OSBPL6: variants seen among roughly 807,000 people sequenced by gnomAD.
The protein encoded by OSBPL6 is oxysterol binding protein like 6, also known as oxysterol-binding protein-related protein 6.
OSBPL6 carries 49 observed loss-of-function variants against 125.8 expected under a neutral mutation model. That is an observed-to-expected ratio of 0.39 (90% CI 0.31 to 0.49). The LOEUF is 0.49. OSBPL6 is among the 20% of genes least tolerant of loss of function. The pLI, the probability that OSBPL6 is intolerant of heterozygous loss-of-function variation, is 0.88. For synonymous variants in OSBPL6, 394 were observed against 391.8 expected, an observed-to-expected ratio of 1.01 and a Z score of -0.07; for missense variants, 986 against 1,135.4, an observed-to-expected ratio of 0.87 and a Z score of 1.89.
At chr2:178,332,069 G>A (rs1177953192) in intron 6 of OSBPL6, among the ~76,000 whole-genome samples, 4 of 152,186 alleles carry the variant, frequency 2.6e-5, no homozygotes, top group Non-Finnish European at 5.9e-5. Flanking sequence ...GGAGTAGTTT[G>A]CATGTAACAC....
At position 178,382,513 on chromosome 2, in the gene OSBPL6, C is replaced by A. The variant is rs1466771768; in HGVS notation, c.1621+6C>A. On this transcript the variant is annotated splice_donor_region_variant and intron_variant, in intron 16 of 24. Coordinates refer to ENST00000190611, the MANE Select transcript of OSBPL6 (RefSeq NM_032523.4). ...AGACAATATTTCTCGGCAAAGTATG[C>A]ATCATTTGAGCTTCCAGGTTGTTCT... The A allele has an allele frequency of 6.2e-7, 1 of 1,614,044 alleles. No individual in the cohort carries two copies. Among genetic ancestry groups the A allele is most frequent in the Non-Finnish European group, 8.5e-7 (1 of 1,179,988 alleles).
chr2:178,395,830 A>T lies in OSBPL6; in HGVS notation c.*271A>T, dbSNP rs1251803347. On this transcript the variant is annotated 3_prime_UTR_variant, in exon 25 of 25. Transcript: ENST00000190611. The stretch of plus-strand genomic sequence containing the variant: ...CACCGTCCTTGGAAAGCAGAATAAA[A>T]GGAGCAGAATATAAAATCCAAAGTC... The T allele has an allele frequency of 2.2e-6, 1 of 460,740 alleles. No individual in the cohort carries two copies. Among genetic ancestry groups the T allele is most frequent in the Admixed American group, 3.0e-5 (1 of 33,346 alleles). The allele number at this position is 460,740 out of a possible 1,614,324, so 28.5% of individuals were successfully genotyped here. A position where few individuals can be genotyped will look rare whatever the true frequency, so the allele number is the denominator to read the frequency against.
At chr2:178,367,574 G>A (rs1692956751) in intron 13 of OSBPL6, among the ~76,000 whole-genome samples, 1 of 152,162 alleles carries the variant, frequency 6.6e-6, no homozygotes, top group Non-Finnish European at 1.5e-5. Context: ...TCTTCACCTA[G>A]GAATTACCTG....
chr2:178,333,246 G>A (rs1689387344), intron 8 of OSBPL6, among the ~76,000 whole-genome samples: 1 of 152,120 alleles, frequency 6.6e-6, no homozygotes, highest in Non-Finnish European at 1.5e-5. Flanking sequence ...TTTGTCAAAT[G>A]TGATGCTGCA....
At chr2:178,241,719 G>A (rs1472920729) in intron 1 of OSBPL6, among the ~76,000 whole-genome samples, 1 of 152,124 alleles carries the variant, frequency 6.6e-6, no homozygotes, top group Non-Finnish European at 1.5e-5. Context: ...CCTGGCCTGA[G>A]GCTTTTTAAA....
chr2:178,370,118 A>T lies in OSBPL6; in HGVS notation c.1288-2008A>T, dbSNP rs542093712. On this transcript the variant is annotated intron_variant, in intron 13 of 24. Transcript: ENST00000190611. ...CATCTCTACTAAAAATACAAAAATT[A>T]GCCAGATGTGGTGGTGCATACCTGT... 2.0e-5 allele frequency among the ~76,000 whole-genome samples: 3 copies of T among 152,286 alleles called. No homozygotes were observed. In the South Asian group the frequency reaches 6.2e-4, roughly 32 times the overall value.
intron 1 of OSBPL6, among the ~76,000 whole-genome samples, chr2:178,197,571 A>G (rs553876748): frequency 1.3e-5 from 2 of 152,332 alleles, no homozygotes; most frequent in African/African-American, 4.8e-5. Flanking sequence ...ATAGATACCT[A>G]TGATAAAATT....
intron 1 of OSBPL6, among the ~76,000 whole-genome samples, chr2:178,234,044 T>C (rs1043322961): frequency 2.0e-5 from 3 of 152,138 alleles, no homozygotes; most frequent in African/African-American, 4.8e-5. Context: ...AATCATATAG[T>C]CTTAAAGACT....
intron 1 of OSBPL6, among the ~76,000 whole-genome samples, chr2:178,214,387 C>T (rs984759542): frequency 6.6e-6 from 1 of 152,144 alleles, no homozygotes; most frequent in African/African-American, 2.4e-5. Context: ...GAAACACAAC[C>T]AATAGAAGAT....
At chr2:178,232,411 A>G (rs2090871605) in intron 1 of OSBPL6, among the ~76,000 whole-genome samples, 1 of 152,176 alleles carries the variant, frequency 6.6e-6, no homozygotes, top group South Asian at 2.1e-4. Flanking sequence ...AAGGCTCTGG[A>G]CTCAAAAGTG....
chr2:178,196,623 A>G (rs1474909311), intron 1 of OSBPL6, among the ~76,000 whole-genome samples: 1 of 152,196 alleles, frequency 6.6e-6, no homozygotes, highest in East Asian at 1.9e-4. Flanking sequence ...TCCTTCCAAG[A>G]TGAAATCTTT....
At chr2:178,262,063 G>C (rs1333896719) in intron 1 of OSBPL6, among the ~76,000 whole-genome samples, 1 of 134,346 alleles carries the variant, frequency 7.4e-6, no homozygotes, top group Non-Finnish European at 1.6e-5. Flanking sequence ...TTAGTATTTT[G>C]TCTTAAGCAG....
At chr2:178,229,667 C>G (rs746359207) in intron 1 of OSBPL6, among the ~76,000 whole-genome samples, 2 of 152,016 alleles carry the variant, frequency 1.3e-5, no homozygotes, top group African/African-American at 4.8e-5. Context: ...TCATCTCTAC[C>G]GAACACATAA....
At chr2:178,202,691 G>A (rs2089319174) in intron 1 of OSBPL6, among the ~76,000 whole-genome samples, 1 of 151,832 alleles carries the variant, frequency 6.6e-6, no homozygotes, top group African/African-American at 2.4e-5. Flanking sequence ...GCGTGGTGGT[G>A]GGCACCTGTA....
intron 15 of OSBPL6, among the ~76,000 whole-genome samples, chr2:178,379,407 GAAAGAAAGAGAAAGA>G (rs1421193863): frequency 4.1e-4 from 57 of 139,320 alleles, no homozygotes; most frequent in East Asian, 2.3e-3. Context: ...GGGAGGGAGG[GAAAGAAAGAGAAAGA>G]AAAGAAAGAG....
intron 12 of OSBPL6, among the ~76,000 whole-genome samples, chr2:178,355,869 C>T (rs1691734368): frequency 1.3e-5 from 2 of 152,202 alleles, no homozygotes; most frequent in Admixed American, 1.3e-4. Flanking sequence ...TCCAGTAGCA[C>T]ATCAAAAAGC....
At chr2:178,277,894 G>A (rs2092501372) in intron 1 of OSBPL6, among the ~76,000 whole-genome samples, 2 of 152,036 alleles carry the variant, frequency 1.3e-5, no homozygotes, top group Admixed American at 6.5e-5. Context: ...GTATGATCAC[G>A]TGGCTCTCCT....
At chr2:178,330,183 T>C (rs1689075404) in intron 5 of OSBPL6, among the ~76,000 whole-genome samples, 1 of 151,970 alleles carries the variant, frequency 6.6e-6, no homozygotes, top group South Asian at 2.1e-4. Flanking sequence ...ATGCTATAGG[T>C]GATCTCTGCT....
At chr2:178,319,970 G>T (rs1285969665) in intron 3 of OSBPL6, among the ~76,000 whole-genome samples, 1 of 152,162 alleles carries the variant, frequency 6.6e-6, no homozygotes, top group Admixed American at 6.5e-5. Context: ...CTTTACTACT[G>T]TCCTAAATTT....
Sources: allele counts gnomAD v4.1 joint callset (sites outside exome capture counted in the v4.1 genomes callset), GRCh38; gene constraint gnomAD v4.1.1; transcripts MANE v1.5; gene names NCBI Gene and HGNC (gene_info 2026-07-23, HGNC 2026-07-21).